Variants in NLGN4X observed in about 807,000 individuals in gnomAD.
NLGN4X encodes the protein neuroligin-4, X-linked.
Under a neutral mutation model 40.3 loss-of-function variants are expected in NLGN4X, and 3 were observed. The ratio of observed to expected loss-of-function variants is 0.07; its 90% CI spans 0.03 to 0.19. The LOEUF is 0.19. NLGN4X is among the 10% of genes least tolerant of loss of function. The pLI is 1.00. For missense variants in NLGN4X, 382 were observed against 708.3 expected (o/e 0.54, Z 5.23); for synonymous variants, 270 against 306.8 (o/e 0.88, Z 1.25).
At chrX:6,148,927 T>C (rs1211116147) in intron 2 of NLGN4X, among the ~76,000 whole-genome samples, 3 of 111,909 alleles carry the variant, frequency 2.7e-5, no homozygotes, top group Non-Finnish European at 5.6e-5. Context: ...GGCTGTAGCT[T>C]TGAACTCTCA....
intron 3 of NLGN4X, among the ~76,000 whole-genome samples, chrX:5,928,511 G>A (rs755719007): frequency 8.9e-6 from 1 of 112,009 alleles, no homozygotes; most frequent in South Asian, 3.7e-4. Flanking sequence ...TATGATAGAG[G>A]TGTTTACATT....
intron 2 of NLGN4X, among the ~76,000 whole-genome samples, chrX:6,082,893 T>C (rs1343437082): frequency 1.9e-5 from 2 of 107,719 alleles, no homozygotes; most frequent in Non-Finnish European, 3.8e-5. Flanking sequence ...TTCTGTGCTG[T>C]CCCAAGGGTC....
At chrX:5,910,867 A>G (rs759451283) in intron 3 of NLGN4X, among the ~76,000 whole-genome samples, 2 of 111,948 alleles carry the variant, frequency 1.8e-5, no homozygotes, top group African/African-American at 6.5e-5. Flanking sequence ...CATCCTACCA[A>G]TGTGATCTTC....
intron 2 of NLGN4X, among the ~76,000 whole-genome samples, chrX:6,128,633 TA>T (rs2039612925): frequency 1.8e-5 from 2 of 111,124 alleles, no homozygotes; most frequent in Non-Finnish European, 3.8e-5. Context: ...CACATGGACA[TA>T]AATATGGGAA....
chrX:6,173,948 C>A (rs1418555004), intron 1 of NLGN4X, among the ~76,000 whole-genome samples: 2 of 111,066 alleles, frequency 1.8e-5, no homozygotes, highest in Admixed American at 9.7e-5. Context: ...GTAATCCCAC[C>A]TACTTAGGAG....
chrX:6,221,895 G>T (rs1184830724), intron 1 of NLGN4X, among the ~76,000 whole-genome samples: 2 of 111,121 alleles, frequency 1.8e-5, no homozygotes, highest in Non-Finnish European at 3.8e-5. Context: ...TACTAAACAT[G>T]GAAAATGGCA....
At chrX:6,019,116 C>T (rs1456873800) in intron 3 of NLGN4X, among the ~76,000 whole-genome samples, 1 of 112,040 alleles carries the variant, frequency 8.9e-6, no homozygotes, top group African/African-American at 3.2e-5. Flanking sequence ...TTACTTTGCA[C>T]CTGTATGTTT....
chrX:6,079,554 C>T (rs1428920767), intron 2 of NLGN4X, among the ~76,000 whole-genome samples: 1 of 111,872 alleles, frequency 8.9e-6, no homozygotes, highest in East Asian at 2.8e-4. Flanking sequence ...TTTACTTTTT[C>T]CCACATGGGT....
At chrX:6,055,360 A>G (rs2037595473) in intron 2 of NLGN4X, among the ~76,000 whole-genome samples, 1 of 112,036 alleles carries the variant, frequency 8.9e-6, no homozygotes, top group Non-Finnish European at 1.9e-5. Flanking sequence ...TTAGTTGGCC[A>G]TGGTGGCATC....
At chrX:6,189,333 T>C (rs1922343730) in intron 1 of NLGN4X, among the ~76,000 whole-genome samples, 1 of 111,907 alleles carries the variant, frequency 8.9e-6, no homozygotes, top group Non-Finnish European at 1.9e-5. Flanking sequence ...GTGTACAATG[T>C]AGGAAATTCC....
chrX:6,197,958 C>T (rs755487651), intron 1 of NLGN4X, among the ~76,000 whole-genome samples: 14 of 109,142 alleles, frequency 1.3e-4, no homozygotes, highest in African/African-American at 4.7e-4. Flanking sequence ...CCAGCTACTC[C>T]ACAGGCTGAG....
intron 3 of NLGN4X, among the ~76,000 whole-genome samples, chrX:5,995,650 T>C (rs1473203386): frequency 3.6e-5 from 4 of 112,451 alleles, no homozygotes; most frequent in African/African-American, 1.3e-4. Context: ...TTAGTAGCCA[T>C]GACAGACTTC....
intron 2 of NLGN4X, among the ~76,000 whole-genome samples, chrX:6,120,413 T>A (rs1400622388): frequency 8.9e-6 from 1 of 111,835 alleles, no homozygotes; most frequent in Non-Finnish European, 1.9e-5. Flanking sequence ...CAGAGCTCCT[T>A]GGTAGCTCAG....
intron 3 of NLGN4X, among the ~76,000 whole-genome samples, chrX:6,009,699 AATTGG>A (rs1415438620): frequency 2.7e-5 from 3 of 112,242 alleles, no homozygotes; most frequent in Non-Finnish European, 5.6e-5. Flanking sequence ...TTTGACTGGA[AATTGG>A]ATCCACTTCT....
chrX:6,003,581 CATTAGATAAT>C (rs1245320962), intron 3 of NLGN4X, among the ~76,000 whole-genome samples: 2 of 112,308 alleles, frequency 1.8e-5, no homozygotes, highest in African/African-American at 6.5e-5. Context: ...CTCCAGAGCA[CATTAGATAAT>C]ATTATCAAGA....
chrX:6,218,839 G>A (rs944934732), intron 1 of NLGN4X, among the ~76,000 whole-genome samples: 19 of 111,067 alleles, frequency 1.7e-4, no homozygotes, highest in Admixed American at 3.8e-4. Context: ...TAAGTTATCC[G>A]TCACAGCTGC....
chrX:6,115,322 C>T (rs2039253693), intron 2 of NLGN4X, among the ~76,000 whole-genome samples: 2 of 111,522 alleles, frequency 1.8e-5, no homozygotes, highest in African/African-American at 6.5e-5. Flanking sequence ...CATGTTGTGC[C>T]TTGGGAATAT....
chrX:6,101,364 C>A (rs1490995535), intron 2 of NLGN4X, among the ~76,000 whole-genome samples: 1 of 111,830 alleles, frequency 8.9e-6, no homozygotes, highest in African/African-American at 3.3e-5. Flanking sequence ...GATATCCACA[C>A]CCCCATGTTT....
intron 2 of NLGN4X, among the ~76,000 whole-genome samples, chrX:6,084,440 T>C (rs996134233): frequency 2.5e-4 from 28 of 111,389 alleles, no homozygotes; most frequent in African/African-American, 9.8e-5. Flanking sequence ...TAGATCCCAC[T>C]TGGGAGGTGG....
Sources: allele counts gnomAD v4.1 joint callset (sites outside exome capture counted in the v4.1 genomes callset), GRCh38; gene constraint gnomAD v4.1.1; transcripts MANE v1.5; gene names NCBI Gene and HGNC (gene_info 2026-07-23, HGNC 2026-07-21).